ARHGAP12: variants seen among roughly 807,000 people sequenced by gnomAD.
The protein encoded by ARHGAP12 is Rho GTPase activating protein 12, also known as rho GTPase-activating protein 12.
Under a neutral mutation model 108.6 loss-of-function variants are expected in ARHGAP12, and 64 were observed. The ratio of observed to expected loss-of-function variants is 0.59; its 90% CI spans 0.48 to 0.73. The LOEUF (loss-of-function observed/expected upper bound fraction) is 0.73, where lower values mean the gene tolerates loss of function less well. Among genes scored for constraint, ARHGAP12 ranks in the 30% least tolerant of loss-of-function variants. ARHGAP12 has a pLI of 0.00. For synonymous variants in ARHGAP12, 312 were observed against 337.2 expected (o/e 0.93, Z 0.82); for missense variants, 940 against 1,005.9 (o/e 0.93, Z 0.89).
intron 1 of ARHGAP12, among the ~76,000 whole-genome samples, chr10:31,923,102 G>A (rs985034004): frequency 1.4e-5 from 2 of 145,646 alleles, no homozygotes; most frequent in Non-Finnish European, 3.0e-5. Context: ...CTGTACTGCA[G>A]CCTGGGGTGA....
At chr10:31,822,261 A>G (rs1835443557) in intron 11 of ARHGAP12, among the ~76,000 whole-genome samples, 1 of 152,210 alleles carries the variant, frequency 6.6e-6, no homozygotes. Context: ...CTGAAACAGG[A>G]TCAGACTTTA....
At chr10:31,898,405 A>G (rs1210217829) in intron 3 of ARHGAP12, among the ~76,000 whole-genome samples, 1 of 152,190 alleles carries the variant, frequency 6.6e-6, no homozygotes, top group Non-Finnish European at 1.5e-5. Flanking sequence ...AAAAAGCCAG[A>G]TAATAAAAAG....
chr10:31,897,406 C>T (rs1301826213), intron 3 of ARHGAP12, among the ~76,000 whole-genome samples: 2 of 152,150 alleles, frequency 1.3e-5, no homozygotes, highest in Non-Finnish European at 2.9e-5. Flanking sequence ...ACACTATCCC[C>T]TTCCCCATAC....
intron 5 of ARHGAP12, among the ~76,000 whole-genome samples, chr10:31,853,743 A>G (rs988296644): frequency 1.3e-5 from 2 of 152,220 alleles, no homozygotes; most frequent in Non-Finnish European, 2.9e-5. Context: ...GCACAGAGAG[A>G]AAACCATTTC....
intron 3 of ARHGAP12, among the ~76,000 whole-genome samples, chr10:31,881,046 C>G (rs954423969): frequency 6.6e-6 from 1 of 151,934 alleles, no homozygotes; most frequent in African/African-American, 2.4e-5. Context: ...CCACCTTCCC[C>G]TCCTCCATCT....
chr10:31,839,640 A>G lies in ARHGAP12; in HGVS notation c.1368T>C (p.Asp456=), dbSNP rs1214009297. Reference sequence around the variant, plus strand: ...GATATGCTTCTATCATACTAACTGTATCTTGGTGCTTTGGTGAGGAGGGAG... The same window carrying G: ...GATATGCTTCTATCATACTAACTGTGTCTTGGTGCTTTGGTGAGGAGGGAG... ...ESSPSSPKHQ[D]TASSPKDQEK... is the part of the protein sequence containing the mutation. Residue 456 remains aspartate, a synonymous_variant, in exon 8 of 20, where the codon GAT becomes GAC. Coordinates refer to ENST00000344936, the MANE Select transcript of ARHGAP12 (RefSeq NM_018287.7). 1 of 1,603,498 alleles carries G rather than the reference A, an allele frequency of 6.2e-7. No individual in the cohort carries two copies. The highest frequency in any genetic ancestry group is 1.1e-5 in the South Asian group (1 of 90,000).
intron 6 of ARHGAP12, among the ~76,000 whole-genome samples, chr10:31,851,941 T>G (rs1325155774): frequency 6.6e-6 from 1 of 152,148 alleles, no homozygotes; most frequent in East Asian, 1.9e-4. Context: ...TCACTTAAAA[T>G]TATCTCAAGC....
At chr10:31,820,729 T>TATATATAC (rs1239315929) in intron 11 of ARHGAP12, among the ~76,000 whole-genome samples, 1 of 148,886 alleles carries the variant, frequency 6.7e-6, no homozygotes, top group Non-Finnish European at 1.5e-5. Flanking sequence ...TATATATATA[T>TATATATAC]ATATATATAA....
chr10:31,834,357 C>G (rs1003069808), intron 9 of ARHGAP12, among the ~76,000 whole-genome samples: 1 of 152,174 alleles, frequency 6.6e-6, no homozygotes, highest in African/African-American at 2.4e-5. Context: ...CCACATGAAT[C>G]TAATTAGTGC....
chr10:31,874,959 G>A (rs548373500), intron 3 of ARHGAP12, among the ~76,000 whole-genome samples: 83 of 102,914 alleles, frequency 8.1e-4, no homozygotes, highest in African/African-American at 2.6e-3. Flanking sequence ...GGGTGACAAC[G>A]CAAGACTCTG....
intron 9 of ARHGAP12, among the ~76,000 whole-genome samples, chr10:31,834,776 A>G (rs1200857165): frequency 1.3e-5 from 2 of 152,250 alleles, no homozygotes; most frequent in Non-Finnish European, 2.9e-5. Flanking sequence ...TACTATAACA[A>G]GAAAGAAATA....
At chr10:31,820,904 G>C (rs980167428) in intron 11 of ARHGAP12, among the ~76,000 whole-genome samples, 2 of 151,984 alleles carry the variant, frequency 1.3e-5, no homozygotes, top group African/African-American at 4.8e-5. Context: ...ATTTACAAAT[G>C]CATGTATACT....
chr10:31,922,852 G>A (rs796840326), intron 1 of ARHGAP12, among the ~76,000 whole-genome samples: 70 of 152,154 alleles, frequency 4.6e-4, no homozygotes, highest in African/African-American at 1.5e-3. Context: ...CATAGGTTAG[G>A]CAAGGTAGCT....
At chr10:31,927,870 G>A (rs1027505635) in intron 1 of ARHGAP12, among the ~76,000 whole-genome samples, 2 of 152,222 alleles carry the variant, frequency 1.3e-5, no homozygotes, top group Non-Finnish European at 2.9e-5. Flanking sequence ...GTTCTGAGAA[G>A]ACAACCAGCT....
chr10:31,831,020 T>C (rs1473714521), intron 10 of ARHGAP12, among the ~76,000 whole-genome samples: 1 of 152,234 alleles, frequency 6.6e-6, no homozygotes, highest in Non-Finnish European at 1.5e-5. Context: ...TTCCACTTTT[T>C]GTAAAATTTA....
At chr10:31,861,679 A>G in intron 3 of ARHGAP12, 21 bp from the exon 4 acceptor site, 1 of 1,563,590 alleles carries the variant, frequency 6.4e-7, no homozygotes, top group African/African-American at 1.4e-5. Context: ...AACATTTTTA[A>G]ATTTCATGTT....
intron 3 of ARHGAP12, among the ~76,000 whole-genome samples, chr10:31,901,519 G>A (rs1592359970): frequency 1.0e-5 from 1 of 95,478 alleles, no homozygotes; most frequent in African/African-American, 4.9e-5. Context: ...GGGTGACAGA[G>A]CAAAAACCTG....
chr10:31,807,798 A>G lies in ARHGAP12; in HGVS notation c.2401T>C (p.Tyr801His). The change falls in exon 20 of 20, where the codon TAT becomes CAT. Residue 801 changes from tyrosine (Y) to histidine (H), a missense_variant. Coordinates refer to ENST00000344936, the MANE Select transcript of ARHGAP12 (RefSeq NM_018287.7). ...IENGEKNRMT[Y>H]QSIAIVFGPT... The stretch of plus-strand genomic sequence containing the variant: ...CCAAAAACAATTGCTATACTCTGAT[A>G]GGTCATTCGATTTTTCTCTCCATTT... 7 of 1,552,136 alleles carry G rather than the reference A, an allele frequency of 4.5e-6. No homozygotes were observed. Among genetic ancestry groups the G allele is most frequent in the Non-Finnish European group, 6.1e-6 (7 of 1,152,992 alleles).
rs372278611 is a variant in ARHGAP12, at chr10:31,905,076, G to C, written c.684+3096C>G. On this transcript the variant is annotated intron_variant, in intron 3 of 19. Transcript: ENST00000344936. Reference sequence around the variant, plus strand: ...GGAGCTGAGGGTGTGATATCGACAAGGAAGGGGCTCGAGACTGGTTACAGA... The same window carrying C: ...GGAGCTGAGGGTGTGATATCGACAACGAAGGGGCTCGAGACTGGTTACAGA... Among the ~76,000 whole-genome samples the C allele has an allele frequency of 3.9e-5, 6 of 152,146 alleles. No homozygotes were observed. In the East Asian group the frequency reaches 7.7e-4, roughly 20 times the overall value.
Sources: allele counts gnomAD v4.1 joint callset (sites outside exome capture counted in the v4.1 genomes callset), GRCh38; gene constraint gnomAD v4.1.1; transcripts MANE v1.5; gene names NCBI Gene and HGNC (gene_info 2026-07-23, HGNC 2026-07-21).